Variants in SFTPD observed in about 807,000 individuals in gnomAD.
SFTPD encodes pulmonary surfactant-associated protein D.
SFTPD carries 18 observed loss-of-function variants against 34.6 expected under a neutral mutation model. The observed-to-expected ratio is 0.52, with a 90% confidence interval of 0.36 to 0.77. The LOEUF (loss-of-function observed/expected upper bound fraction) is 0.77. Among genes scored for constraint, SFTPD ranks in the 30% least tolerant of loss-of-function variants. The pLI, the probability that SFTPD is intolerant of heterozygous loss-of-function variation, is 0.00. For synonymous variants in SFTPD, 155 were observed against 180.9 expected (o/e 0.86, Z 1.15); for missense variants, 433 against 468.9 (o/e 0.92, Z 0.71).
chr10:79,953,914 C>T (rs1401369231), upstream of SFTPD, among the ~76,000 whole-genome samples: 1 of 151,504 alleles, frequency 6.6e-6, no homozygotes, highest in East Asian at 1.9e-4. Flanking sequence ...TTTGCTAATT[C>T]TTTCTTCCAC....
intron 1 of SFTPD, among the ~76,000 whole-genome samples, chr10:79,981,551 A>C (rs1352432232): frequency 6.6e-6 from 1 of 151,838 alleles, no homozygotes; most frequent in African/African-American, 2.4e-5. Context: ...CCGCCAGCCC[A>C]GCCCAGGGGG....
intron 2 of SFTPD, among the ~76,000 whole-genome samples, 182 bp downstream of exon 2, chr10:79,946,279 G>A (rs894904602): frequency 7.9e-5 from 12 of 152,186 alleles, no homozygotes; most frequent in African/African-American, 2.9e-4. Context: ...TGCTGGAGGA[G>A]GCACATGGGG....
intron 1 of SFTPD, among the ~76,000 whole-genome samples, chr10:79,957,805 C>T (rs1381865677): frequency 6.6e-6 from 1 of 152,122 alleles, no homozygotes; most frequent in Non-Finnish European, 1.5e-5. Flanking sequence ...GAGAACGCCA[C>T]AAAGATACTC....
At position 79,942,378 on chromosome 10, in the gene SFTPD, A is replaced by G. The variant is rs1842622141; in HGVS notation, c.433+10T>C. The G allele has an allele frequency of 6.3e-7, 1 of 1,576,488 alleles. No homozygotes were observed. The highest frequency in any genetic ancestry group is 1.3e-5 in the African/African-American group (1 of 74,138). On this transcript the variant is annotated intron_variant, in intron 4 of 7. Transcript: ENST00000372292. ...TCCCTTCTCAGACTGGCCACAGACCAGCCACCTACCTTTGGGCCCAGCTTC... is the reference window on the plus strand; with the variant it reads ...TCCCTTCTCAGACTGGCCACAGACCGGCCACCTACCTTTGGGCCCAGCTTC...
chr10:79,942,915 C>G, intron 2 of SFTPD, 36 bp from the exon 3 acceptor site: 1 of 1,428,710 alleles, frequency 7.0e-7, no homozygotes, highest in East Asian at 2.3e-5. Flanking sequence ...AGACCTGGCC[C>G]TAGACCCAGA....
chr10:79,965,543 T>TTC (rs1256446288), intron 1 of SFTPD, among the ~76,000 whole-genome samples: 1 of 135,650 alleles, frequency 7.4e-6, no homozygotes, highest in Non-Finnish European at 1.5e-5. Context: ...ATTTTTCTTT[T>TTC]TTTTTTTTTA....
chr10:79,943,326 T>C (rs932700002), intron 2 of SFTPD, among the ~76,000 whole-genome samples: 1 of 152,196 alleles, frequency 6.6e-6, no homozygotes, highest in Non-Finnish European at 1.5e-5. Flanking sequence ...CTATGCAGCA[T>C]CTACTTTATA....
upstream of SFTPD, chr10:79,950,877 T>A (rs1842705861): frequency 1.3e-5 from 2 of 152,126 alleles, no homozygotes; most frequent in Non-Finnish European, 1.5e-5. Flanking sequence ...TGTTCATTTT[T>A]AAAAATTTAT....
chr10:79,947,739 A>T (rs1842679674), intron 1 of SFTPD, among the ~76,000 whole-genome samples: 1 of 152,230 alleles, frequency 6.6e-6, no homozygotes, highest in Admixed American at 6.5e-5. Flanking sequence ...AGGTAGGCTC[A>T]GTCAGGCAGA....
chr10:79,959,734 C>T (rs1436580134), intron 1 of SFTPD, among the ~76,000 whole-genome samples: 1 of 152,178 alleles, frequency 6.6e-6, no homozygotes, highest in East Asian at 1.9e-4. Flanking sequence ...GAGCTGGTAC[C>T]ATTCCTTCTG....
chr10:79,970,732 ACT>A (rs574882353), intron 1 of SFTPD: 23 of 152,260 alleles, frequency 1.5e-4, no homozygotes, highest in African/African-American at 5.5e-4. Context: ...CTACAACTTT[ACT>A]GAATTTATCA....
intron 1 of SFTPD, chr10:79,970,675 G>T (rs1223549781): frequency 1.3e-5 from 2 of 151,972 alleles, no homozygotes; most frequent in African/African-American, 4.8e-5. Flanking sequence ...GTAGTTCATT[G>T]TTGGCATATG....
At chr10:79,961,380 T>C (rs2132514100) in intron 1 of SFTPD, among the ~76,000 whole-genome samples, 1 of 152,116 alleles carries the variant, frequency 6.6e-6, no homozygotes, top group Middle Eastern at 3.4e-3. Context: ...TGGGACAAAA[T>C]TTTTGCAACC....
At chr10:79,975,202 C>T (rs1842858068) in intron 1 of SFTPD, among the ~76,000 whole-genome samples, 1 of 152,084 alleles carries the variant, frequency 6.6e-6, no homozygotes, top group Admixed American at 6.5e-5. Context: ...GCCCAGTGTC[C>T]TCCGGAAAAG....
chr10:79,954,035 G>T (rs1842725842), upstream of SFTPD, among the ~76,000 whole-genome samples: 1 of 149,686 alleles, frequency 6.7e-6, no homozygotes. Flanking sequence ...TTATTTCTTT[G>T]TTATACTTCT....
chr10:79,944,704 A>G (rs1164987582), intron 2 of SFTPD, among the ~76,000 whole-genome samples: 1 of 152,076 alleles, frequency 6.6e-6, no homozygotes, highest in Non-Finnish European at 1.5e-5. Context: ...CCCCCACGGA[A>G]TATTGCTGAG....
intron 7 of SFTPD, among the ~76,000 whole-genome samples, chr10:79,939,093 T>G (rs1842586771): frequency 6.6e-6 from 1 of 151,706 alleles, no homozygotes; most frequent in African/African-American, 2.4e-5. Context: ...CAAAAGCTGT[T>G]GCGTGGGCAA....
chr10:79,966,826 T>A (rs1842805457), intron 1 of SFTPD, among the ~76,000 whole-genome samples: 1 of 146,676 alleles, frequency 6.8e-6, no homozygotes, highest in Non-Finnish European at 1.5e-5. Flanking sequence ...CCCAGCACCA[T>A]TTATTAAATA....
At chr10:79,960,700 C>T (rs1202166858) in intron 1 of SFTPD, among the ~76,000 whole-genome samples, 2 of 152,072 alleles carry the variant, frequency 1.3e-5, no homozygotes, top group South Asian at 2.1e-4. Flanking sequence ...GAATCAATAT[C>T]GTGAAAATGG....
Sources: allele counts gnomAD v4.1 joint callset (sites outside exome capture counted in the v4.1 genomes callset), GRCh38; gene constraint gnomAD v4.1.1; transcripts MANE v1.5; gene names NCBI Gene and HGNC (gene_info 2026-07-23, HGNC 2026-07-21).